NFX1: variants seen among roughly 807,000 people sequenced by gnomAD.
The protein encoded by NFX1 is transcriptional repressor NF-X1.
In NFX1, 69 loss-of-function variants were observed where a neutral mutation model predicts 137.2. The observed-to-expected ratio is 0.50, with a 90% CI of 0.41 to 0.61. The LOEUF (loss-of-function observed/expected upper bound fraction) is 0.61. NFX1 is among the 20% of genes least tolerant of loss of function. The pLI, the probability that NFX1 is intolerant of heterozygous loss-of-function variation, is 0.00. For synonymous variants in NFX1, 495 were observed against 474.1 expected, an observed-to-expected ratio of 1.04 and a Z score of -0.57; for missense variants, 1,167 against 1,391.0, an observed-to-expected ratio of 0.84 and a Z score of 2.56.
rs985928526 is a variant in NFX1 at position 33,369,758 on chromosome 9, C to A, written c.3291-148C>A. The A allele has an allele frequency of 8.9e-6, 6 of 672,522 alleles. No individual in the cohort carries two copies. The Admixed American group carries it at 1.5e-4, about 17-fold the overall frequency. 41.7% of individuals were successfully genotyped at this position (672,522 alleles called of 1,614,324 possible). ...AGTTAAAAAAATTGCTCACAAAGGG[C>A]AGAAGGAAAAAAAGTAAGACTAAAA... On this transcript the variant is annotated intron_variant, in intron 23 of 23. Coordinates refer to ENST00000379540, the MANE Select transcript of NFX1 (RefSeq NM_002504.6).
chr9:33,339,411 C>T (rs766183390), intron 12 of NFX1, among the ~76,000 whole-genome samples: 10 of 152,286 alleles, frequency 6.6e-5, no homozygotes, highest in South Asian at 2.1e-4. Context: ...TTCACTATCA[C>T]GAGAACAGCA....
At chr9:33,341,603 AG>A (rs1268422534) in intron 12 of NFX1, among the ~76,000 whole-genome samples, 2 of 152,224 alleles carry the variant, frequency 1.3e-5, no homozygotes, top group Non-Finnish European at 2.9e-5. Context: ...ATTATAAACT[AG>A]TGTTAGAAGG....
chr9:33,320,802 G>A (rs1203257205), intron 9 of NFX1, among the ~76,000 whole-genome samples: 2 of 152,198 alleles, frequency 1.3e-5, no homozygotes, highest in East Asian at 3.9e-4. Context: ...ATCTTGTGAG[G>A]TAAAGCTAGA....
intron 4 of NFX1, among the ~76,000 whole-genome samples, 157 bp downstream of exon 4, chr9:33,303,425 A>G (rs1475795703): frequency 6.6e-6 from 1 of 152,252 alleles, no homozygotes; most frequent in Non-Finnish European, 1.5e-5. Context: ...TCACACAGCT[A>G]GAGCCACAGC....
chr9:33,351,628 A>G lies in NFX1; in HGVS notation c.2493A>G (p.Pro831=), dbSNP rs938522440. 6.2e-7 allele frequency: 1 copy of G among 1,614,186 alleles called. No homozygotes were observed. Among genetic ancestry groups the G allele is most frequent in the Admixed American group, 1.7e-5 (1 of 60,016 alleles). The change falls in exon 16 of 24, where the codon CCA becomes CCG. Residue 831 remains proline (P), a synonymous_variant. Transcript: ENST00000379540. The stretch of plus-strand genomic sequence containing the variant: ...GATTACCCTGCAGTGCCACGCTACC[A>G]TGTGGGATGCACAAATGTCAGAGAC... ...SCGLPCSATL[P]CGMHKCQRLC...
chr9:33,357,688 C>T (rs1422477144), intron 19 of NFX1, among the ~76,000 whole-genome samples: 2 of 151,714 alleles, frequency 1.3e-5, no homozygotes, highest in East Asian at 1.9e-4. Context: ...CACACCACTA[C>T]GCCTGGCTAA....
At position 33,301,312 on chromosome 9, in the gene NFX1, C is replaced by T. The variant is rs1821555638; in HGVS notation, c.1083C>T (p.Cys361=). 6.2e-7 allele frequency: 1 copy of T among 1,613,988 alleles called. No homozygotes were observed. Among genetic ancestry groups the T allele is most frequent in the African/African-American group, 1.3e-5 (1 of 74,912 alleles). The part of the protein sequence containing the change: ...LTTEKYECMV[C]CELVRVTAPV... ...CAGAAAAATACGAGTGCATGGTGTG[C>T]TGTGAATTGGTTCGTGTCACGGCCC... Residue 361 remains cysteine, a synonymous_variant, in exon 3 of 24, where the codon TGC becomes TGT. Coordinates refer to ENST00000379540, the MANE Select transcript of NFX1 (RefSeq NM_002504.6).
chr9:33,307,794 CTTTT>C (rs139468485), intron 5 of NFX1, among the ~76,000 whole-genome samples: 17 of 85,318 alleles, frequency 2.0e-4, no homozygotes, highest in East Asian at 3.4e-4. Context: ...TTCTTTCTTT[CTTTT>C]TTTTTTTTTT....
At chr9:33,308,271 G>A (rs957164348) in intron 5 of NFX1, among the ~76,000 whole-genome samples, 6 of 152,016 alleles carry the variant, frequency 3.9e-5, no homozygotes, top group African/African-American at 7.2e-5. Context: ...ATGAGACCCC[G>A]TCTCTACAAA....
At chr9:33,316,441 T>C (rs1822166490) in intron 7 of NFX1, among the ~76,000 whole-genome samples, 1 of 152,110 alleles carries the variant, frequency 6.6e-6, no homozygotes, top group Non-Finnish European at 1.5e-5. Flanking sequence ...TAGCTCTTGA[T>C]TCATATTGGG....
chr9:33,352,356 C>G (rs972708539), intron 16 of NFX1: 2 of 529,820 alleles, frequency 3.8e-6, no homozygotes, highest in Non-Finnish European at 7.2e-6. Flanking sequence ...GGGCCTAGGG[C>G]AAGTGTCTGT....
In NFX1 at chr9:33,295,207, C is replaced by T. The variant is rs779304552; in HGVS notation, c.813C>T (p.Asn271=). Residue 271 remains asparagine (N), a synonymous_variant, in exon 2 of 24, where the codon AAC becomes AAT. Coordinates refer to ENST00000379540, the MANE Select transcript of NFX1 (RefSeq NM_002504.6). ...PPKQEGHRHT[N]AGHRNNMGPI... The stretch of plus-strand genomic sequence containing the variant: ...AACAGGAGGGCCACCGACATACAAA[C>T]GCAGGACACAGAAACAACATGGGCC... 50 of 1,614,000 alleles carry T rather than the reference C, an allele frequency of 3.1e-5. No individual in the cohort carries two copies. Among genetic ancestry groups the T allele is most frequent in the Non-Finnish European group, 3.6e-5 (43 of 1,180,032 alleles).
At chr9:33,341,539 A>G (rs535392939) in intron 12 of NFX1, among the ~76,000 whole-genome samples, 2 of 152,236 alleles carry the variant, frequency 1.3e-5, no homozygotes, top group Admixed American at 1.3e-4. Context: ...TATAGCATAC[A>G]TAATTATTTT....
chr9:33,345,207 T>A (rs1022871555), intron 14 of NFX1, among the ~76,000 whole-genome samples: 3 of 150,618 alleles, frequency 2.0e-5, no homozygotes, highest in Non-Finnish European at 3.0e-5. Context: ...CCGGGTGCAG[T>A]GACTCACACC....
intron 15 of NFX1, among the ~76,000 whole-genome samples, chr9:33,349,448 G>A (rs576343762): frequency 6.6e-6 from 1 of 152,304 alleles, no homozygotes; most frequent in South Asian, 2.1e-4. Flanking sequence ...ATGGGTAAGT[G>A]TTTAATGATT....
chr9:33,328,717 T>A, intron 10 of NFX1, 39 bp downstream of exon 10: 1 of 1,508,740 alleles, frequency 6.6e-7, no homozygotes, highest in Non-Finnish European at 9.2e-7. Flanking sequence ...GCCATCAATG[T>A]TTTCTTTAAA....
chr9:33,351,737 A>T lies in NFX1; in HGVS notation c.2602A>T (p.Met868Leu), dbSNP rs760932130. 1 of 1,612,052 alleles carries T rather than the reference A, an allele frequency of 6.2e-7. No homozygotes were observed. The highest frequency in any genetic ancestry group is 8.5e-7 in the Non-Finnish European group (1 of 1,179,024). ...TPRADCGHPC[M>L]APCHTSSPCP... Reference sequence around the variant, plus strand: ...CAGAGCTGACTGTGGTCACCCGTGTATGGCACCCTGCCATACCAGCTCACC... The same window carrying T: ...CAGAGCTGACTGTGGTCACCCGTGTTTGGCACCCTGCCATACCAGCTCACC... Residue 868 changes from methionine (M) to leucine (L), a missense_variant, in exon 16 of 24, where the codon ATG becomes TTG. Coordinates refer to ENST00000379540, the MANE Select transcript of NFX1 (RefSeq NM_002504.6).
intron 15 of NFX1, among the ~76,000 whole-genome samples, chr9:33,347,414 C>G (rs1018736470): frequency 1.3e-5 from 2 of 152,152 alleles, no homozygotes; most frequent in Non-Finnish European, 2.9e-5. Context: ...CTCAATGTCC[C>G]CTACTTCCAA....
intron 9 of NFX1, among the ~76,000 whole-genome samples, chr9:33,327,482 A>G (rs1303943179): frequency 6.6e-6 from 1 of 152,242 alleles, no homozygotes; most frequent in Non-Finnish European, 1.5e-5. Flanking sequence ...CTCCTGCCTC[A>G]GCCTCCTGAG....
Sources: gnomAD v4.1 joint callset for allele counts (sites outside exome capture counted in the v4.1 genomes callset) on GRCh38, gnomAD v4.1.1 for gene constraint, MANE v1.5 for transcripts, NCBI Gene and HGNC (gene_info 2026-07-23, HGNC 2026-07-21) for gene names.